Variants in FSCN1 observed in about 807,000 individuals in gnomAD.
FSCN1 encodes the protein fascin.
FSCN1 carries 10 observed loss-of-function variants against 39.7 expected under a neutral mutation model. That is an observed-to-expected ratio of 0.25 (90% CI 0.16 to 0.43). FSCN1 has a LOEUF of 0.43. Ranked by LOEUF, FSCN1 falls within the 20% of genes least tolerant of loss-of-function variation. The pLI, the probability that FSCN1 is intolerant of heterozygous loss-of-function variation, is 1.00. For missense variants in FSCN1, 525 were observed against 723.8 expected, an observed-to-expected ratio of 0.73 and a Z score of 3.15; for synonymous variants, 322 against 320.0, an observed-to-expected ratio of 1.01 and a Z score of -0.07.
In FSCN1 at chr7:5,605,128, G is replaced by T; in HGVS notation, c.1280-144G>T. 1.6e-6 allele frequency: 1 copy of T among 642,232 alleles called. No individual in the cohort carries two copies. The allele number at this position is 642,232 out of a possible 1,614,324, so 39.8% of individuals were successfully genotyped here. A position where few individuals can be genotyped will look rare whatever the true frequency, so the allele number is the denominator to read the frequency against. On this transcript the variant is annotated intron_variant, in intron 4 of 4. Transcript: ENST00000382361. This position sits in a 1 kb window ranked among gnomAD's most constrained non-coding sequence, Gnocchi z 6.9. ...TCCATCATGGACAGGAGGACGTGCGGGCCATAGGGACCCTGGCTCATTCCG... is the reference window on the plus strand; with the variant it reads ...TCCATCATGGACAGGAGGACGTGCGTGCCATAGGGACCCTGGCTCATTCCG...
intron 4 of FSCN1, among the ~76,000 whole-genome samples, chr7:5,604,655 T>C (rs1345176302): frequency 1.3e-5 from 2 of 148,494 alleles, no homozygotes; most frequent in Non-Finnish European, 3.0e-5. Context: ...TTTTAAAATT[T>C]ATTATTTATT....
In FSCN1 at chr7:5,593,630, G is replaced by A; in HGVS notation, c.694G>A (p.Ala232Thr). Residue 232 changes from alanine to threonine, a missense_variant, in exon 1 of 5, where the codon GCG becomes ACG. By Grantham distance (58) the Ala-to-Thr change is moderately conservative (BLOSUM62 0). Around this residue, in one of 3 missense-constraint regions of FSCN1, gnomAD observed 246 missense variants for 350.6 expected, o/e 0.70. Transcript: ENST00000382361. ...CCGCGACTGCGAGGGCCGTTACCTGGCGCCGTCGGGGCCCAGCGGCACGCT... is the reference window on the plus strand; with the variant it reads ...CCGCGACTGCGAGGGCCGTTACCTGACGCCGTCGGGGCCCAGCGGCACGCT... ...AFRDCEGRYL[A>T]PSGPSGTLKA... is the part of the protein sequence containing the mutation. 2 of 1,565,794 alleles carry A rather than the reference G, an allele frequency of 1.3e-6. No individual in the cohort carries two copies. Among genetic ancestry groups the A allele is most frequent in the Non-Finnish European group, 1.7e-6 (2 of 1,163,058 alleles).
intron 1 of FSCN1, among the ~76,000 whole-genome samples, chr7:5,595,466 G>A (rs992506585): frequency 1.3e-5 from 2 of 152,236 alleles, no homozygotes; most frequent in African/African-American, 4.8e-5. Context: ...TGAGCCATGA[G>A]TGAACCAGTG....
intron 1 of FSCN1, among the ~76,000 whole-genome samples, chr7:5,598,934 G>A (rs1395892304): frequency 6.6e-6 from 1 of 152,256 alleles, no homozygotes; most frequent in Middle Eastern, 3.2e-3. Context: ...TGAGCAGAAT[G>A]AGGGGGCGGT....
chr7:5,605,759 C>T lies in FSCN1; in HGVS notation c.*285C>T, dbSNP rs1323020722. The stretch of plus-strand genomic sequence containing the variant: ...GTCTGCCACGGGGCGAGTCTGGCAC[C>T]TCTTTCTTCTGACCTCAGACGGCTC... On this transcript the variant is annotated 3_prime_UTR_variant, in exon 5 of 5. Transcript: ENST00000382361. The surrounding 1 kb of genome is among the most constrained non-coding windows in gnomAD (Gnocchi z 6.9). The T allele has an allele frequency of 1.0e-5, 4 of 399,858 alleles. No homozygotes were observed. The highest frequency in any genetic ancestry group is 8.5e-5 in the East Asian group (2 of 23,568). 24.8% of individuals were successfully genotyped at this position (399,858 alleles called of 1,614,324 possible).
chr7:5,603,067 C>T lies in FSCN1; in HGVS notation c.833-190C>T, dbSNP rs1785862699. 1 of 628,028 alleles carries T rather than the reference C, an allele frequency of 1.6e-6. No individual in the cohort carries two copies. 38.9% of individuals were successfully genotyped at this position (628,028 alleles called of 1,614,324 possible). ...GGGAACAGATGTAGCTTGCCTTGGC[C>T]TCTGACCGGCCCTGCCTGCGTTCCT... On this transcript the variant is annotated intron_variant, in intron 1 of 4. Coordinates refer to ENST00000382361, the MANE Select transcript of FSCN1 (RefSeq NM_003088.4). This position sits in a 1 kb window ranked among gnomAD's most constrained non-coding sequence, Gnocchi z 8.5.
In FSCN1 at chr7:5,602,833, C is replaced by T. The variant is rs1785858946; in HGVS notation, c.833-424C>T. The T allele has an allele frequency of 1.5e-5, 3 of 198,120 alleles. No homozygotes were observed. In the Admixed American group the frequency reaches 1.6e-4, roughly 11 times the overall value. 12.3% of individuals were successfully genotyped at this position (198,120 alleles called of 1,614,324 possible). A position where few individuals can be genotyped will look rare whatever the true frequency, so the allele number is the denominator to read the frequency against. On this transcript the variant is annotated intron_variant, in intron 1 of 4. Transcript: ENST00000382361. ...GCCTCAGCCTCCCAAGTAGCTGGGACCACAGGTTTGCACCACCACTCCCAG... is the reference window on the plus strand; with the variant it reads ...GCCTCAGCCTCCCAAGTAGCTGGGATCACAGGTTTGCACCACCACTCCCAG...
At position 5,594,157 on chromosome 7, in the gene FSCN1, C is replaced by A. The variant is rs1258640721; in HGVS notation, c.832+389C>A. 2.4e-5 allele frequency: 5 copies of A among 209,778 alleles called. No homozygotes were observed. In the East Asian group the frequency reaches 5.3e-4, roughly 22 times the overall value. 13.0% of individuals were successfully genotyped at this position (209,778 alleles called of 1,614,324 possible). A position where few individuals can be genotyped will look rare whatever the true frequency, so the allele number is the denominator to read the frequency against. ...CACCCATTTCCTCGTGCCCCTCCCCCCGCCGGCTGTCCTGGAGCTCGGGGG... is the reference window on the plus strand; with the variant it reads ...CACCCATTTCCTCGTGCCCCTCCCCACGCCGGCTGTCCTGGAGCTCGGGGG... On this transcript the variant is annotated intron_variant, in intron 1 of 4. Coordinates refer to ENST00000382361, the MANE Select transcript of FSCN1 (RefSeq NM_003088.4).
chr7:5,605,431 C>T lies in FSCN1; in HGVS notation c.1439C>T (p.Ala480Val). The T allele has an allele frequency of 6.2e-7, 1 of 1,608,204 alleles. No homozygotes were observed. The highest frequency in any genetic ancestry group is 1.3e-5 in the African/African-American group (1 of 74,950). ...LKGDHAGVLK[A>V]SAETVDPASL... ...GGCGACCACGCAGGCGTCCTGAAGGCCTCGGCGGAAACCGTGGACCCCGCC... is the reference window on the plus strand; with the variant it reads ...GGCGACCACGCAGGCGTCCTGAAGGTCTCGGCGGAAACCGTGGACCCCGCC... The change falls in exon 5 of 5, where the codon GCC becomes GTC. Residue 480 changes from alanine (A) to valine (V), a missense_variant. Around this residue, in one of 3 missense-constraint regions of FSCN1, gnomAD observed 275 missense variants for 351.9 expected, o/e 0.78. Coordinates refer to ENST00000382361, the MANE Select transcript of FSCN1 (RefSeq NM_003088.4). The surrounding 1 kb of genome is among the most constrained non-coding windows in gnomAD (Gnocchi z 6.9).
intron 1 of FSCN1, among the ~76,000 whole-genome samples, chr7:5,601,664 C>T (rs1246083924): frequency 6.6e-6 from 1 of 151,968 alleles, no homozygotes; most frequent in African/African-American, 2.4e-5. Context: ...ATAGCCAGAC[C>T]CTGTCTGTAC....
intron 1 of FSCN1, among the ~76,000 whole-genome samples, chr7:5,602,302 G>C (rs1467186507): frequency 6.6e-6 from 1 of 151,540 alleles, no homozygotes; most frequent in African/African-American, 2.4e-5. Flanking sequence ...CTCCCAAAAG[G>C]CTGGGATTGC....
chr7:5,603,639 C>G lies in FSCN1; in HGVS notation c.1111+22C>G. 1 of 1,613,860 alleles carries G rather than the reference C, an allele frequency of 6.2e-7. No individual in the cohort carries two copies. The highest frequency in any genetic ancestry group is 8.5e-7 in the Non-Finnish European group (1 of 1,179,972). On this transcript the variant is annotated intron_variant, in intron 3 of 4. Transcript: ENST00000382361. This position sits in a 1 kb window ranked among gnomAD's most constrained non-coding sequence, Gnocchi z 8.5. ...GCAGGTAACACTAAAGCCCCAGTTCCCTGGAGCCGTCCTGGAGTCCTGGAG... is the reference window on the plus strand; with the variant it reads ...GCAGGTAACACTAAAGCCCCAGTTCGCTGGAGCCGTCCTGGAGTCCTGGAG...
intron 1 of FSCN1, among the ~76,000 whole-genome samples, chr7:5,601,698 G>A (rs1183686615): frequency 6.6e-6 from 1 of 152,054 alleles, no homozygotes; most frequent in Non-Finnish European, 1.5e-5. Flanking sequence ...AAATTAACTT[G>A]ATGTGGTGGT....
rs376854306 is a variant in FSCN1, at chr7:5,595,608, TG to T, written c.832+1848del. 1.9e-3 allele frequency among the ~76,000 whole-genome samples: 289 copies of T among 151,822 alleles called. 2 individuals carry two copies. The highest frequency in any genetic ancestry group is 3.2e-3 in the Non-Finnish European group (214 of 67,920). ...AAGGATGAATAGAAGGTGGCAGGTA[TG>T]GGGGGGGTGCTGTGTGGACCAGCGT... On this transcript the variant is annotated intron_variant, in intron 1 of 4. Transcript: ENST00000382361.
At position 5,592,923 on chromosome 7, in the gene FSCN1, C is replaced by A; in HGVS notation, c.-14C>A. Reference sequence around the variant, plus strand: ...CTCCCGGGGCCGCGCAGCGGCCTCTCGTCTACTGCCACCATGACCGCCAAC... The same window carrying A: ...CTCCCGGGGCCGCGCAGCGGCCTCTAGTCTACTGCCACCATGACCGCCAAC... On this transcript the variant is annotated 5_prime_UTR_variant, in exon 1 of 5. Coordinates refer to ENST00000382361, the MANE Select transcript of FSCN1 (RefSeq NM_003088.4). This position sits in a 1 kb window ranked among gnomAD's most constrained non-coding sequence, Gnocchi z 5.3. 2.0e-6 allele frequency: 3 copies of A among 1,470,652 alleles called. No homozygotes were observed. The highest frequency in any genetic ancestry group is 2.1e-4 in the Middle Eastern group (1 of 4,758). 91.1% of individuals were successfully genotyped at this position (1,470,652 alleles called of 1,614,324 possible).
At chr7:5,600,532 G>A (rs929180600) in intron 1 of FSCN1, among the ~76,000 whole-genome samples, 5 of 152,050 alleles carry the variant, frequency 3.3e-5, no homozygotes, top group Non-Finnish European at 7.4e-5. Context: ...TTGCTCTGTC[G>A]CCCAGGCTGG....
In FSCN1 at chr7:5,603,694, C is replaced by T; in HGVS notation, c.1111+77C>T. 7 of 1,592,276 alleles carry T rather than the reference C, an allele frequency of 4.4e-6. No homozygotes were observed. Among genetic ancestry groups the T allele is most frequent in the Non-Finnish European group, 6.0e-6 (7 of 1,163,782 alleles). On this transcript the variant is annotated intron_variant, in intron 3 of 4. Coordinates refer to ENST00000382361, the MANE Select transcript of FSCN1 (RefSeq NM_003088.4). The surrounding 1 kb of genome is among the most constrained non-coding windows in gnomAD (Gnocchi z 8.5). Reference sequence around the variant, plus strand: ...TGGCCATGCCGTGGTCACTTGGTAGCCCCAGCCAAGGCCTGCTCTGTGCTG... The same window carrying T: ...TGGCCATGCCGTGGTCACTTGGTAGTCCCAGCCAAGGCCTGCTCTGTGCTG...
At position 5,606,446 on chromosome 7, in the gene FSCN1, G is replaced by A; in HGVS notation, c.*972G>A. On this transcript the variant is annotated 3_prime_UTR_variant, in exon 5 of 5. Transcript: ENST00000382361. This position sits in a 1 kb window ranked among gnomAD's most constrained non-coding sequence, Gnocchi z 5.1. ...TTGGTGCTCCCTGGGCCTCCCGGGT[G>A]GATGAAGCCAGGCGTCGCCCCCTCC... 1 of 152,192 alleles carries A rather than the reference G, an allele frequency of 6.6e-6. No homozygotes were observed. Among genetic ancestry groups the A allele is most frequent in the Non-Finnish European group, 1.5e-5 (1 of 67,982 alleles). The allele number at this position is 152,192 out of a possible 1,614,324, so 9.4% of individuals were successfully genotyped here.
chr7:5,604,319 C>T (rs1399094601), intron 4 of FSCN1, among the ~76,000 whole-genome samples: 2 of 132,844 alleles, frequency 1.5e-5, no homozygotes, highest in Non-Finnish European at 3.2e-5. Flanking sequence ...GGGAGGAGAG[C>T]AGGGGAGGGG....
Sources: gnomAD v4.1 joint callset for allele counts (sites outside exome capture counted in the v4.1 genomes callset) on GRCh38, gnomAD v4.1.1 for gene constraint, gnomAD v4.1.1 regional missense constraint, Gnocchi (gnomAD v3.1) non-coding constraint, MANE v1.5 for transcripts, NCBI Gene and HGNC (gene_info 2026-07-23, HGNC 2026-07-21) for gene names.